PPP1R42: variants seen among roughly 807,000 people sequenced by gnomAD.
PPP1R42 encodes the protein leucine rich repeat containing 67.
A neutral mutation model predicts 31.0 loss-of-function variants in PPP1R42; 34 were observed. That is an observed-to-expected ratio of 1.10 (90% CI 0.83 to 1.46). The LOEUF is 1.46. Among genes scored for constraint, PPP1R42 ranks in the 40% most tolerant of loss-of-function variants. The pLI is 0.00. For synonymous variants in PPP1R42, 103 were observed against 109.8 expected (o/e 0.94, Z 0.39); for missense variants, 268 against 303.0 (o/e 0.88, Z 0.86).
At chr8:67,012,432 C>A (rs577294367) in intron 4 of PPP1R42, among the ~76,000 whole-genome samples, 2 of 152,004 alleles carry the variant, frequency 1.3e-5, no homozygotes, top group Admixed American at 6.6e-5. Flanking sequence ...TGGTTTCAGG[C>A]GACACAGTTG....
chr8:67,011,049 T>C (rs1215097547), intron 4 of PPP1R42, among the ~76,000 whole-genome samples: 1 of 152,070 alleles, frequency 6.6e-6, no homozygotes, highest in African/African-American at 2.4e-5. Context: ...CCGTTCTCCC[T>C]ATAATTCCTC....
intron 6 of PPP1R42, 94 bp downstream of exon 6, chr8:66,988,306 G>A: frequency 1.6e-6 from 2 of 1,279,612 alleles, no homozygotes; most frequent in Non-Finnish European, 2.0e-6. Flanking sequence ...AGATCCAGAT[G>A]TCAGATTTAT....
At chr8:66,969,619 A>C (rs143303572) in intron 7 of PPP1R42, among the ~76,000 whole-genome samples, 1 of 152,314 alleles carries the variant, frequency 6.6e-6, no homozygotes, top group Non-Finnish European at 1.5e-5. Flanking sequence ...GGGGTAGGAC[A>C]GTGCAGCAGT....
rs541721845 is a variant in PPP1R42, at chr8:67,001,714, A to G, written c.552+9001T>C. ...AAGAACTTTACAACAATATACCACTATTTTCTCCATTCCTGTCATTTGTGC... is the reference window on the plus strand; with the variant it reads ...AAGAACTTTACAACAATATACCACTGTTTTCTCCATTCCTGTCATTTGTGC... On this transcript the variant is annotated intron_variant, in intron 5 of 7. Transcript: ENST00000685739. Among the ~76,000 whole-genome samples, 16 of 152,082 alleles carry G rather than the reference A, an allele frequency of 1.1e-4. 1 individual carries two copies. Among genetic ancestry groups the G allele is most frequent in the Non-Finnish European group, 2.2e-4 (15 of 68,004 alleles).
At chr8:66,987,394 C>T (rs559152806) in intron 6 of PPP1R42, among the ~76,000 whole-genome samples, 1 of 149,206 alleles carries the variant, frequency 6.7e-6, no homozygotes, top group South Asian at 2.1e-4. Context: ...CAGTTTCAAG[C>T]GATTCTCCTA....
At chr8:66,993,012 T>G (rs1267487760) in intron 5 of PPP1R42, among the ~76,000 whole-genome samples, 1 of 152,174 alleles carries the variant, frequency 6.6e-6, no homozygotes, top group Non-Finnish European at 1.5e-5. Context: ...CTCTGGAACA[T>G]TTCAAAGGCG....
intron 7 of PPP1R42, among the ~76,000 whole-genome samples, chr8:66,971,346 CTT>C (rs1429474520): frequency 6.6e-6 from 1 of 152,148 alleles, no homozygotes; most frequent in Non-Finnish European, 1.5e-5. Flanking sequence ...ATGATCAACT[CTT>C]AAAATAAAAT....
At position 67,014,569 on chromosome 8, in the gene PPP1R42, AT is replaced by A; in HGVS notation, c.152del (p.Asn51IlefsTer18). The A allele has an allele frequency of 6.5e-7, 1 of 1,531,210 alleles. No individual in the cohort carries two copies. The highest frequency in any genetic ancestry group is 2.3e-5 in the East Asian group (1 of 42,942). The allele number at this position is 1,531,210 out of a possible 1,614,324, so 94.9% of individuals were successfully genotyped here. A position where few individuals can be genotyped will look rare whatever the true frequency, so the allele number is the denominator to read the frequency against. ...TATCATATAAATATAAAACACTAAG[AT>A]TTTTGCAAAGAGAGAGGTCTTCCTA... is the stretch of plus-strand genomic sequence containing the variant. ...DAIEDLSLCK[N>X]LSVLYLYDNC... On this transcript the variant is annotated frameshift_variant, in exon 3 of 8. Coordinates refer to ENST00000685739, the MANE Select transcript of PPP1R42 (RefSeq NM_001364910.1). LOFTEE classifies it high-confidence loss of function.
In PPP1R42 at chr8:67,014,331, ATT is replaced by A. The variant is rs1360761178; in HGVS notation, c.296+93_296+94del. The stretch of plus-strand genomic sequence containing the variant: ...ATTTCATATTGAATTTACTTTTGGA[ATT>A]TAATGCAAAAAATGGAAATGCCTTC... On this transcript the variant is annotated intron_variant, in intron 3 of 7. Transcript: ENST00000685739. 9 of 661,934 alleles carry A rather than the reference ATT, an allele frequency of 1.4e-5. 1 individual carries two copies. The highest frequency in any genetic ancestry group is 2.1e-5 in the Non-Finnish European group (9 of 422,636). The allele number at this position is 661,934 out of a possible 1,614,324, so 41.0% of individuals were successfully genotyped here. A position where few individuals can be genotyped will look rare whatever the true frequency, so the allele number is the denominator to read the frequency against.
intron 7 of PPP1R42, chr8:66,968,524 A>G (rs1814448441): frequency 2.0e-6 from 2 of 980,208 alleles, no homozygotes; most frequent in African/African-American, 1.8e-5. Flanking sequence ...TCTTTCCCTT[A>G]AAGTAATTAA....
chr8:66,968,146 C>A (rs367592087), intron 7 of PPP1R42, among the ~76,000 whole-genome samples: 1 of 151,996 alleles, frequency 6.6e-6, no homozygotes, highest in African/African-American at 2.4e-5. Flanking sequence ...ATAGGTTTGA[C>A]CTAATCTTTA....
chr8:66,988,087 T>C (rs1283198183), intron 6 of PPP1R42: 6 of 986,028 alleles, frequency 6.1e-6, no homozygotes, highest in Middle Eastern at 5.0e-4. Context: ...ATCAAAGGAT[T>C]TGTGCTAACG....
chr8:66,985,253 G>T, intron 6 of PPP1R42: 1 of 1,075,210 alleles, frequency 9.3e-7, no homozygotes, highest in East Asian at 2.4e-5. Context: ...TTAAAAGTGC[G>T]TTTCTGGCGC....
intron 3 of PPP1R42, among the ~76,000 whole-genome samples, chr8:67,013,506 A>G (rs1478226017): frequency 6.6e-6 from 1 of 151,532 alleles, no homozygotes; most frequent in Non-Finnish European, 1.5e-5. Flanking sequence ...CAGTCTGGGC[A>G]ACATAGGGAG....
At chr8:67,003,389 C>CTTTTTTTTTTTT (rs5892069) in intron 5 of PPP1R42, among the ~76,000 whole-genome samples, 1 of 32,906 alleles carries the variant, frequency 3.0e-5, no homozygotes. Context: ...TTTCATGCTT[C>CTTTTTTTTTTTT]TTTTTTTTTT....
intron 7 of PPP1R42, among the ~76,000 whole-genome samples, chr8:66,967,876 GT>G (rs1179290842): frequency 6.6e-6 from 1 of 151,176 alleles, no homozygotes; most frequent in East Asian, 2.0e-4. Flanking sequence ...GTAACAATTA[GT>G]TTTTCATTGT....
chr8:67,001,428 T>C (rs911558373), intron 5 of PPP1R42, among the ~76,000 whole-genome samples: 1 of 148,834 alleles, frequency 6.7e-6, no homozygotes, highest in African/African-American at 2.4e-5. Context: ...TTAATATAAT[T>C]ATTAATATTA....
At chr8:67,012,790 T>G in intron 4 of PPP1R42, 168 bp downstream of exon 4, 3 of 499,078 alleles carry the variant, frequency 6.0e-6, no homozygotes, top group Non-Finnish European at 6.5e-6. Flanking sequence ...GCTGAGTCTC[T>G]GAGATTGTAC....
At chr8:67,025,581 T>C (rs1404412194) in intron 1 of PPP1R42, among the ~76,000 whole-genome samples, 4 of 151,060 alleles carry the variant, frequency 2.6e-5, no homozygotes, top group Non-Finnish European at 5.9e-5. Context: ...AAGAATTAAA[T>C]TGACATACAG....
Sources: gnomAD v4.1 joint callset for allele counts (sites outside exome capture counted in the v4.1 genomes callset) on GRCh38, gnomAD v4.1.1 for gene constraint, MANE v1.5 for transcripts, NCBI Gene and HGNC (gene_info 2026-07-23, HGNC 2026-07-21) for gene names.